The following LOC128125818 variants were observed in gnomAD, a reference collection of about 807,000 sequenced individuals.
At chr4:6,066,176 C>T in the LOC128125818 span, among the ~76,000 whole-genome samples, 1 of 152,104 alleles carries the variant, frequency 6.6e-6, no homozygotes, top group Non-Finnish European at 1.5e-5. Flanking sequence ...AAAACCCAGG[C>T]ACTCCCCACA....
At chr4:6,070,119 C>T in the LOC128125818 span, 1 of 398,888 alleles carries the variant, frequency 2.5e-6, no homozygotes. Context: ...GGCACAGAGA[C>T]ACAGGAAGAA....
the LOC128125818 span, chr4:6,065,140 G>GT: frequency 1.2e-5 from 14 of 1,127,346 alleles, no homozygotes; most frequent in East Asian, 3.1e-4. This position sits in a 1 kb window ranked among gnomAD's most constrained non-coding sequence, Gnocchi z 5.1. Flanking sequence ...ACAAGATGCG[G>GT]TTGGTGGGCT....
the LOC128125818 span, chr4:6,065,112 T>C: frequency 1.4e-6 from 2 of 1,401,954 alleles, no homozygotes; most frequent in Non-Finnish European, 2.0e-6. The surrounding 1 kb of genome is among the most constrained non-coding windows in gnomAD (Gnocchi z 5.1). Context: ...TGATTGACAT[T>C]TGGGCCACTG....
the LOC128125818 span, among the ~76,000 whole-genome samples, chr4:6,067,471 G>GA: frequency 1.3e-5 from 2 of 152,154 alleles, no homozygotes; most frequent in African/African-American, 2.4e-5. The surrounding 1 kb of genome is among the most constrained non-coding windows in gnomAD (Gnocchi z 4.6). Flanking sequence ...CTCTGGATGA[G>GA]AACCCCACCC....
the LOC128125818 span, among the ~76,000 whole-genome samples, chr4:6,069,365 A>G: frequency 6.6e-6 from 1 of 152,240 alleles, no homozygotes; most frequent in African/African-American, 2.4e-5. This position sits in a 1 kb window ranked among gnomAD's most constrained non-coding sequence, Gnocchi z 4.5. Context: ...CTACTGAATA[A>G]AAAGGTAATT....
chr4:6,067,270 C>A, the LOC128125818 span, among the ~76,000 whole-genome samples: 4 of 152,200 alleles, frequency 2.6e-5, no homozygotes, highest in Non-Finnish European at 5.9e-5. The surrounding 1 kb of genome is among the most constrained non-coding windows in gnomAD (Gnocchi z 4.6). Context: ...TTTGTCTATC[C>A]ACAAACAGAT....
chr4:6,065,187 G>C, the LOC128125818 span, among the ~76,000 whole-genome samples: 1 of 152,174 alleles, frequency 6.6e-6, no homozygotes, highest in Non-Finnish European at 1.5e-5. The surrounding 1 kb of genome is among the most constrained non-coding windows in gnomAD (Gnocchi z 5.1). Context: ...GTGGCAGCAG[G>C]TGGCGGATGA....
At chr4:6,066,773 ATC>A in the LOC128125818 span, among the ~76,000 whole-genome samples, 64 of 151,472 alleles carry the variant, frequency 4.2e-4, no homozygotes, top group African/African-American at 1.5e-3. Flanking sequence ...AGCCACCAAT[ATC>A]TCTCTCTCTG....
the LOC128125818 span, among the ~76,000 whole-genome samples, chr4:6,067,573 T>C: frequency 1.5e-5 from 2 of 130,800 alleles, no homozygotes; most frequent in African/African-American, 5.9e-5. The surrounding 1 kb of genome is among the most constrained non-coding windows in gnomAD (Gnocchi z 4.6). Context: ...GAGTGATGCA[T>C]CTGCAGCACT....
At chr4:6,068,152 C>A in the LOC128125818 span, among the ~76,000 whole-genome samples, 1 of 152,204 alleles carries the variant, frequency 6.6e-6, no homozygotes, top group Non-Finnish European at 1.5e-5. Context: ...AGCCCTAATA[C>A]AGGGCATTAA....
At chr4:6,069,298 C>T in the LOC128125818 span, among the ~76,000 whole-genome samples, 1 of 152,180 alleles carries the variant, frequency 6.6e-6, no homozygotes. The surrounding 1 kb of genome is among the most constrained non-coding windows in gnomAD (Gnocchi z 4.5). Context: ...TAGGTTTTTC[C>T]TCACAAGAGA....
At chr4:6,066,910 CCACACA>C in the LOC128125818 span, among the ~76,000 whole-genome samples, 5 of 151,760 alleles carry the variant, frequency 3.3e-5, no homozygotes, top group South Asian at 4.2e-4. Context: ...CTTCTGCACC[CCACACA>C]CACCTGCCAT....
the LOC128125818 span, among the ~76,000 whole-genome samples, chr4:6,069,491 G>A: frequency 6.6e-6 from 1 of 152,222 alleles, no homozygotes; most frequent in Non-Finnish European, 1.5e-5. The surrounding 1 kb of genome is among the most constrained non-coding windows in gnomAD (Gnocchi z 4.5). Flanking sequence ...GCTCATGCCT[G>A]TAATCCCAGC....
the LOC128125818 span, among the ~76,000 whole-genome samples, chr4:6,066,522 G>T: frequency 1.3e-5 from 2 of 151,958 alleles, no homozygotes; most frequent in African/African-American, 4.8e-5. Context: ...CGTCCTTTAT[G>T]GCATTGTGGA....
At chr4:6,066,937 C>T in the LOC128125818 span, among the ~76,000 whole-genome samples, 27 of 152,276 alleles carry the variant, frequency 1.8e-4, no homozygotes, top group South Asian at 8.3e-4. Context: ...GGGGCCTTTG[C>T]GCTCCGAGAC....
At chr4:6,069,942 C>T in the LOC128125818 span, 1 of 396,032 alleles carries the variant, frequency 2.5e-6, no homozygotes, top group Non-Finnish European at 4.4e-6. This position sits in a 1 kb window ranked among gnomAD's most constrained non-coding sequence, Gnocchi z 4.5. Context: ...CACCTGTCTT[C>T]TCACCTTCCT....
chr4:6,067,647 A>ACG, the LOC128125818 span, among the ~76,000 whole-genome samples: 2 of 116,896 alleles, frequency 1.7e-5, no homozygotes, highest in Non-Finnish European at 1.9e-5. This position sits in a 1 kb window ranked among gnomAD's most constrained non-coding sequence, Gnocchi z 4.6. Context: ...TCTTCTGCAC[A>ACG]CACACACACA....
the LOC128125818 span, among the ~76,000 whole-genome samples, chr4:6,067,529 T>TAGTGAC: frequency 6.6e-6 from 1 of 152,004 alleles, no homozygotes; most frequent in African/African-American, 2.4e-5. This position sits in a 1 kb window ranked among gnomAD's most constrained non-coding sequence, Gnocchi z 4.6. Flanking sequence ...AGAGCAGTGG[T>TAGTGAC]AGTGACATCC....
At chr4:6,069,529 G>A in the LOC128125818 span, among the ~76,000 whole-genome samples, 12 of 152,060 alleles carry the variant, frequency 7.9e-5, no homozygotes, top group East Asian at 1.9e-4. The surrounding 1 kb of genome is among the most constrained non-coding windows in gnomAD (Gnocchi z 4.5). Flanking sequence ...CAGAAAGATC[G>A]CTTGAGCCCA....
Sources: allele counts gnomAD v4.1 joint callset (sites outside exome capture counted in the v4.1 genomes callset), GRCh38; gene constraint gnomAD v4.1.1; non-coding constraint Gnocchi (gnomAD v3.1); transcripts MANE v1.5.